Variants in LDAH observed in about 807,000 individuals in gnomAD.
LDAH encodes the protein lipid droplet associated hydrolase.
LDAH carries 26 observed loss-of-function variants against 29.6 expected under a neutral mutation model. The observed-to-expected ratio is 0.88, with a 90% CI of 0.64 to 1.22. The LOEUF is 1.22. Ranked by LOEUF, LDAH falls within the 50% of genes most tolerant of loss-of-function variation. The pLI is 0.00. For synonymous variants in LDAH, 117 were observed against 133.0 expected, an observed-to-expected ratio of 0.88 and a Z score of 0.83; for missense variants, 344 against 387.3, an observed-to-expected ratio of 0.89 and a Z score of 0.94.
At chr2:20,711,482 G>A (rs958808081) in intron 5 of LDAH, among the ~76,000 whole-genome samples, 29 of 152,094 alleles carry the variant, frequency 1.9e-4, no homozygotes, top group East Asian at 5.8e-4. Context: ...CAGAGAAGAC[G>A]GGTGATTTCT....
chr2:20,709,245 G>C (rs969306600), intron 5 of LDAH, among the ~76,000 whole-genome samples: 4 of 152,074 alleles, frequency 2.6e-5, no homozygotes, highest in Non-Finnish European at 4.4e-5. Flanking sequence ...TAAAATATAA[G>C]TAAATTTTGT....
chr2:20,747,415 TTCTC>T (rs1667651124), intron 4 of LDAH, among the ~76,000 whole-genome samples: 1 of 152,262 alleles, frequency 6.6e-6, no homozygotes, highest in Non-Finnish European at 1.5e-5. Flanking sequence ...AGCACACAGT[TTCTC>T]TTTTTATGTG....
In LDAH at chr2:20,698,825, G is replaced by C. The variant is rs1273686357; in HGVS notation, c.786+2745C>G. On this transcript the variant is annotated intron_variant, in intron 6 of 6. Coordinates refer to ENST00000237822, the MANE Select transcript of LDAH (RefSeq NM_021925.4). The surrounding 1 kb of genome is among the most constrained non-coding windows in gnomAD (Gnocchi z 4.4). ...TAAATTACTTTATGTCCAATACTGT[G>C]TATAAAGTCACTGGACCTCAGAAGG... Among the ~76,000 whole-genome samples the C allele has an allele frequency of 6.6e-6, 1 of 152,200 alleles. No homozygotes were observed. The highest frequency in any genetic ancestry group is 1.5e-5 in the Non-Finnish European group (1 of 68,046).
At chr2:20,777,694 A>G (rs112302390) in intron 3 of LDAH, among the ~76,000 whole-genome samples, 7,922 of 152,180 alleles carry the variant, frequency 0.052, 650 homozygotes, top group African/African-American at 0.18. Flanking sequence ...ACAGGCGTAA[A>G]CCACCATTCC....
intron 5 of LDAH, among the ~76,000 whole-genome samples, chr2:20,710,639 T>TAG (rs1380205196): frequency 0.17 from 23,293 of 138,862 alleles, 2,230 homozygotes; most frequent in Non-Finnish European, 0.2. Context: ...TATATAGATA[T>TAG]ATAGTATACA....
At chr2:20,751,834 G>A (rs1667994408) in intron 4 of LDAH, among the ~76,000 whole-genome samples, 1 of 152,188 alleles carries the variant, frequency 6.6e-6, no homozygotes, top group East Asian at 1.9e-4. Flanking sequence ...TATCAATGAT[G>A]AGTGGGATAT....
rs771637081 is a variant in LDAH at position 20,774,760 on chromosome 2, G to C, written c.468+50C>G. On this transcript the variant is annotated intron_variant, in intron 4 of 6. Coordinates refer to ENST00000237822, the MANE Select transcript of LDAH (RefSeq NM_021925.4). ...AACATAGGAAAGGTGAGGAGGATTT[G>C]TGCAGGCACACAGTCCAGCACCCAC... 4.5e-6 allele frequency: 7 copies of C among 1,563,626 alleles called. No individual in the cohort carries two copies. In the East Asian group the frequency reaches 1.3e-4, roughly 30 times the overall value.
chr2:20,791,675 G>A (rs1037122191), intron 2 of LDAH, among the ~76,000 whole-genome samples: 5 of 152,160 alleles, frequency 3.3e-5, no homozygotes, highest in Non-Finnish European at 7.3e-5. Flanking sequence ...GGGAGGAAGG[G>A]CATACCAGCA....
chr2:20,749,932 G>T (rs1041555516), intron 4 of LDAH, among the ~76,000 whole-genome samples: 3 of 152,086 alleles, frequency 2.0e-5, no homozygotes, highest in Non-Finnish European at 4.4e-5. Flanking sequence ...AGGTTCATAA[G>T]GGTAGCATCC....
downstream of LDAH, chr2:20,683,939 G>A (rs1303328925): frequency 6.6e-6 from 1 of 152,110 alleles, no homozygotes. Flanking sequence ...ACAGATCTGG[G>A]ATTTGAACCC....
Position 20,703,520 on chromosome 2 carries a change from T to C in LDAH, c.704-1868A>G, listed in dbSNP as rs558627355. On this transcript the variant is annotated intron_variant, in intron 5 of 6. Coordinates refer to ENST00000237822, the MANE Select transcript of LDAH (RefSeq NM_021925.4). ...TTATTCTATTCTTACTTAAATAATA[T>C]ACTTACACCTTTACTTCTGAATATT... Among the ~76,000 whole-genome samples the C allele has an allele frequency of 5.3e-5, 8 of 152,368 alleles. No individual in the cohort carries two copies. The South Asian group carries it at 1.7e-3, about 32-fold the overall frequency.
chr2:20,746,270 T>C lies in LDAH; in HGVS notation c.469-6065A>G, dbSNP rs1041072196. ...GCTGGCAGAAACAGGAAACAATCCA[T>C]TACTTTTATAAACGATCCTTTACTG... On this transcript the variant is annotated intron_variant, in intron 4 of 6. Transcript: ENST00000237822. 2.0e-5 allele frequency among the ~76,000 whole-genome samples: 3 copies of C among 152,192 alleles called. No homozygotes were observed. In the South Asian group the frequency reaches 6.2e-4, roughly 31 times the overall value.
chr2:20,819,969 AACAG>A (rs1487423120), intron 1 of LDAH, among the ~76,000 whole-genome samples: 1 of 152,164 alleles, frequency 6.6e-6, no homozygotes, highest in South Asian at 2.1e-4. Context: ...ATACACCAAT[AACAG>A]ACAAACAGAG....
chr2:20,803,877 C>G (rs1572668483), intron 1 of LDAH, among the ~76,000 whole-genome samples: 1 of 152,150 alleles, frequency 6.6e-6, no homozygotes, highest in African/African-American at 2.4e-5. Flanking sequence ...TTAAGTTAAA[C>G]TAACAATTTT....
At chr2:20,726,286 G>A (rs1389416174) in intron 5 of LDAH, among the ~76,000 whole-genome samples, 1 of 152,220 alleles carries the variant, frequency 6.6e-6, no homozygotes, top group African/African-American at 2.4e-5. Flanking sequence ...GCTCCTCCTA[G>A]CACATATTCT....
chr2:20,818,379 T>TA (rs1673002175), intron 1 of LDAH, among the ~76,000 whole-genome samples: 1 of 152,158 alleles, frequency 6.6e-6, no homozygotes, highest in Non-Finnish European at 1.5e-5. Context: ...CACATAGCCC[T>TA]ATATAAACTT....
At chr2:20,796,060 G>A (rs532952028) in intron 2 of LDAH, among the ~76,000 whole-genome samples, 1 of 151,892 alleles carries the variant, frequency 6.6e-6, no homozygotes, top group Admixed American at 6.6e-5. Flanking sequence ...AATATGATCT[G>A]AAAATGTCAA....
At chr2:20,782,683 G>A (rs1433458812) in intron 3 of LDAH, among the ~76,000 whole-genome samples, 1 of 152,016 alleles carries the variant, frequency 6.6e-6, no homozygotes, top group African/African-American at 2.4e-5. Context: ...TTTTCTTTCT[G>A]AATACTTGTA....
chr2:20,800,529 T>C (rs1482399823), intron 2 of LDAH, among the ~76,000 whole-genome samples: 1 of 152,242 alleles, frequency 6.6e-6, no homozygotes, highest in African/African-American at 2.4e-5. Flanking sequence ...CGCTCAAGCA[T>C]CTGTCCCTAA....
Sources: gnomAD v4.1 joint callset for allele counts (sites outside exome capture counted in the v4.1 genomes callset) on GRCh38, gnomAD v4.1.1 for gene constraint, Gnocchi (gnomAD v3.1) non-coding constraint, MANE v1.5 for transcripts, NCBI Gene and HGNC (gene_info 2026-07-23, HGNC 2026-07-21) for gene names.